Variants in SORBS2 observed in about 807,000 individuals in gnomAD.
SORBS2 encodes the protein sorbin and SH3 domain containing 2.
Under a neutral mutation model 97.7 loss-of-function variants are expected in SORBS2, and 46 were observed. The ratio of observed to expected loss-of-function variants is 0.47; its 90% confidence interval spans 0.37 to 0.60. SORBS2 has a LOEUF of 0.60. Among genes scored for constraint, SORBS2 ranks in the 20% least tolerant of loss-of-function variants. The probability of loss-of-function intolerance (pLI) is 0.00; values close to 1 mark genes in which losing one functional copy is unlikely to be tolerated. For synonymous variants in SORBS2, 476 were observed against 473.4 expected (o/e 1.01, Z -0.07); for missense variants, 1,316 against 1,282.3 (o/e 1.03, Z -0.40).
At chr4:185,806,165 C>T (rs1286064355) in intron 1 of SORBS2, among the ~76,000 whole-genome samples, 1 of 152,218 alleles carries the variant, frequency 6.6e-6, no homozygotes, top group Admixed American at 6.5e-5. Context: ...TTTCCACCAG[C>T]CAGGCTGCTG....
At chr4:185,815,903 T>C (rs1478429143) in intron 1 of SORBS2, among the ~76,000 whole-genome samples, 1 of 152,180 alleles carries the variant, frequency 6.6e-6, no homozygotes, top group Admixed American at 6.5e-5. Flanking sequence ...TTTTAAAAAA[T>C]GAAATAAAAT....
intron 1 of SORBS2, among the ~76,000 whole-genome samples, chr4:185,851,707 G>A (rs904528333): frequency 5.3e-5 from 8 of 152,010 alleles, no homozygotes; most frequent in Non-Finnish European, 1.0e-4. Flanking sequence ...CTGCCAGCAC[G>A]GCCAGAATAA....
At chr4:185,878,490 C>T (rs1424665840) in intron 1 of SORBS2, among the ~76,000 whole-genome samples, 1 of 152,132 alleles carries the variant, frequency 6.6e-6, no homozygotes, top group East Asian at 1.9e-4. Context: ...GCCCAGGAGC[C>T]GTACCTGGCG....
chr4:185,692,509 T>C (rs994998836), intron 2 of SORBS2, among the ~76,000 whole-genome samples: 1 of 152,216 alleles, frequency 6.6e-6, no homozygotes, highest in Non-Finnish European at 1.5e-5. Flanking sequence ...CTTCTGACCA[T>C]TTCCTCTGCT....
intron 4 of SORBS2, among the ~76,000 whole-genome samples, chr4:185,676,153 C>G (rs2097786229): frequency 6.6e-6 from 1 of 152,194 alleles, no homozygotes; most frequent in African/African-American, 2.4e-5. Context: ...CTAGCCTAGT[C>G]TATGGTAATT....
intron 1 of SORBS2, among the ~76,000 whole-genome samples, chr4:185,776,675 T>C: frequency 6.6e-6 from 1 of 151,694 alleles, no homozygotes; most frequent in East Asian, 1.9e-4. Context: ...CTGAGGCAGG[T>C]GGATCATGAG....
intron 4 of SORBS2, chr4:185,666,166 T>C: frequency 7.8e-7 from 1 of 1,289,846 alleles, no homozygotes; most frequent in Non-Finnish European, 1.0e-6. Context: ...CTGTGAAGCA[T>C]TTACCTCCAA....
At chr4:185,701,234 C>T (rs1047331341) in intron 2 of SORBS2, among the ~76,000 whole-genome samples, 1 of 152,078 alleles carries the variant, frequency 6.6e-6, no homozygotes, top group African/African-American at 2.4e-5. Flanking sequence ...GAAAAATTTC[C>T]TTTTGACTTC....
intron 4 of SORBS2, 99 bp downstream of exon 14, chr4:185,638,778 G>C (rs1207916237): frequency 8.5e-7 from 1 of 1,178,634 alleles, no homozygotes; most frequent in Non-Finnish European, 1.1e-6. Context: ...GGGTGCGAGC[G>C]GGACCCGGGG....
At position 185,613,293 on chromosome 4, in the gene SORBS2, G is replaced by T. The variant is rs2096570717; in HGVS notation, c.2596-1313C>A. ...AGTAGCACTTGGAAGTTCTCTTTGT[G>T]TTGAAACGCTGGATGGTTGATTTTG... On this transcript the variant is annotated intron_variant, in intron 11 of 14. Coordinates refer to ENST00000418609, the Ensembl canonical transcript of SORBS2. Among the ~76,000 whole-genome samples the T allele has an allele frequency of 3.3e-5, 5 of 152,278 alleles. No individual in the cohort carries two copies. In the South Asian group the frequency reaches 1.0e-3, roughly 32 times the overall value.
intron 1 of SORBS2, among the ~76,000 whole-genome samples, chr4:185,794,842 T>C (rs1053347112): frequency 6.6e-6 from 1 of 152,130 alleles, no homozygotes; most frequent in Admixed American, 6.5e-5. Context: ...ATGTGAGGAA[T>C]GTGGGAAGGA....
chr4:185,937,067 T>A (rs1481175009), intron 1 of SORBS2, among the ~76,000 whole-genome samples: 1 of 152,230 alleles, frequency 6.6e-6, no homozygotes, highest in African/African-American at 2.4e-5. Flanking sequence ...AGTCATTCTA[T>A]TTCAACAATG....
At chr4:185,744,053 C>T (rs1288422128) in intron 2 of SORBS2, among the ~76,000 whole-genome samples, 3 of 142,764 alleles carry the variant, frequency 2.1e-5, no homozygotes, top group Non-Finnish European at 3.0e-5. Flanking sequence ...CCCCTTCTTC[C>T]TCCTTCTCCC....
At chr4:185,918,003 G>A (rs549045439) in intron 1 of SORBS2, 3 of 152,208 alleles carry the variant, frequency 2.0e-5, no homozygotes, top group East Asian at 3.9e-4. Flanking sequence ...GTTTCATAAC[G>A]GAAATAAAGG....
chr4:185,602,678 T>C (rs571683385), intron 12 of SORBS2, among the ~76,000 whole-genome samples: 1 of 152,362 alleles, frequency 6.6e-6, no homozygotes, highest in South Asian at 2.1e-4. Context: ...GCTGGGTTAT[T>C]TCTTTTCTTT....
At chr4:185,681,489 C>T (rs374248247) in intron 2 of SORBS2, among the ~76,000 whole-genome samples, 38 of 151,936 alleles carry the variant, frequency 2.5e-4, no homozygotes, top group African/African-American at 8.7e-4. Context: ...TATTGGTGCA[C>T]ATTCACTTGT....
chr4:185,879,854 C>T (rs373103306), intron 1 of SORBS2, among the ~76,000 whole-genome samples: 63 of 152,334 alleles, frequency 4.1e-4, no homozygotes, highest in African/African-American at 1.5e-3. Flanking sequence ...AGCATCAGCA[C>T]GGTGAGGGCA....
chr4:185,952,413 T>A (rs1028537953), intron 1 of SORBS2, among the ~76,000 whole-genome samples: 3 of 152,200 alleles, frequency 2.0e-5, no homozygotes, highest in Non-Finnish European at 4.4e-5. Flanking sequence ...GGCCAGTAGG[T>A]AGAGGTCACC....
At chr4:185,914,256 T>A (rs1016114890) in intron 1 of SORBS2, among the ~76,000 whole-genome samples, 1 of 152,218 alleles carries the variant, frequency 6.6e-6, no homozygotes, top group Admixed American at 6.5e-5. Flanking sequence ...GAAATAAGTA[T>A]ATTTTCTCTC....
Sources: gnomAD v4.1 joint callset for allele counts (sites outside exome capture counted in the v4.1 genomes callset) on GRCh38, gnomAD v4.1.1 for gene constraint, MANE v1.5 for transcripts, NCBI Gene and HGNC (gene_info 2026-07-23, HGNC 2026-07-21) for gene names.